CDH18: variants seen among roughly 807,000 people sequenced by gnomAD.
CDH18 encodes the protein cadherin-18.
In CDH18, 31 loss-of-function variants were observed where a neutral mutation model predicts 67.9. The ratio of observed to expected loss-of-function variants is 0.46; its 90% CI spans 0.34 to 0.62. CDH18 has a LOEUF of 0.62. Among genes scored for constraint, CDH18 ranks in the 20% least tolerant of loss-of-function variants. The pLI is 0.01. For missense variants in CDH18, 890 were observed against 975.5 expected (o/e 0.91, Z 1.17); for synonymous variants, 362 against 347.2 (o/e 1.04, Z -0.48).
At chr5:19,917,339 C>T (rs1318096863) in intron 2 of CDH18, among the ~76,000 whole-genome samples, 1 of 148,584 alleles carries the variant, frequency 6.7e-6, no homozygotes, top group Non-Finnish European at 1.5e-5. Flanking sequence ...TTTTCTTTCC[C>T]CCCCCGCCCC....
chr5:19,973,266 G>C (rs1242648145), intron 2 of CDH18, among the ~76,000 whole-genome samples: 1 of 152,068 alleles, frequency 6.6e-6, no homozygotes, highest in Non-Finnish European at 1.5e-5. Flanking sequence ...TTAGAAGTGA[G>C]GATAAAAAGG....
intron 5 of CDH18, among the ~76,000 whole-genome samples, chr5:19,622,568 T>C (rs1750884860): frequency 6.6e-6 from 1 of 152,200 alleles, no homozygotes; most frequent in South Asian, 2.1e-4. Flanking sequence ...AAAGTGACAT[T>C]AGCAGTTTTT....
intron 5 of CDH18, among the ~76,000 whole-genome samples, chr5:19,626,614 G>A (rs1751593675): frequency 6.6e-6 from 1 of 151,986 alleles, no homozygotes; most frequent in Non-Finnish European, 1.5e-5. Flanking sequence ...GCTATAGAGT[G>A]CCCTCTTGAA....
At chr5:19,857,207 G>A (rs1313635607) in intron 2 of CDH18, among the ~76,000 whole-genome samples, 1 of 151,770 alleles carries the variant, frequency 6.6e-6, no homozygotes, top group Non-Finnish European at 1.5e-5. Flanking sequence ...TCCAGCTTGG[G>A]CATCAGACAG....
intron 2 of CDH18, among the ~76,000 whole-genome samples, chr5:19,884,803 A>G (rs1244539322): frequency 6.6e-6 from 1 of 152,060 alleles, no homozygotes; most frequent in African/African-American, 2.4e-5. Flanking sequence ...TTAAATCTTT[A>G]CAAAAATTTT....
At chr5:19,860,796 A>G (rs1784811583) in intron 2 of CDH18, among the ~76,000 whole-genome samples, 1 of 152,108 alleles carries the variant, frequency 6.6e-6, no homozygotes, top group African/African-American at 2.4e-5. Context: ...AAGTGAACCT[A>G]AATACACATA....
intron 5 of CDH18, among the ~76,000 whole-genome samples, chr5:19,667,189 A>G (rs1175756800): frequency 1.3e-5 from 2 of 151,824 alleles, no homozygotes; most frequent in Non-Finnish European, 2.9e-5. Context: ...AAATTTATAA[A>G]TGACAAAAAT....
At chr5:19,687,179 C>T (rs911316214) in intron 5 of CDH18, among the ~76,000 whole-genome samples, 2 of 152,150 alleles carry the variant, frequency 1.3e-5, no homozygotes, top group Non-Finnish European at 2.9e-5. Context: ...TGCTGTGAGA[C>T]TGGCTTGGGG....
intron 2 of CDH18, among the ~76,000 whole-genome samples, chr5:19,957,313 T>C (rs1796343842): frequency 6.6e-6 from 1 of 151,176 alleles, no homozygotes; most frequent in Non-Finnish European, 1.5e-5. Context: ...TATGTGTATA[T>C]ATATGTTTTA....
chr5:19,986,419 G>A (rs2150375578), intron 1 of CDH18, among the ~76,000 whole-genome samples: 1 of 152,264 alleles, frequency 6.6e-6, no homozygotes, highest in African/African-American at 2.4e-5. Flanking sequence ...ATGTATAATA[G>A]CCAATGCTCA....
At chr5:20,310,629 G>C (rs538952347) in intron 1 of CDH18, among the ~76,000 whole-genome samples, 3 of 152,100 alleles carry the variant, frequency 2.0e-5, no homozygotes, top group Admixed American at 6.5e-5. Flanking sequence ...CTTAAAGTGG[G>C]GTCTGACCGG....
chr5:19,582,672 G>T (rs1743463234), intron 7 of CDH18, among the ~76,000 whole-genome samples: 1 of 151,924 alleles, frequency 6.6e-6, no homozygotes, highest in Non-Finnish European at 1.5e-5. Context: ...TATTTTGTAA[G>T]CAGTCCATTA....
At chr5:20,404,036 C>T (rs1012442727) in intron 1 of CDH18, among the ~76,000 whole-genome samples, 4 of 152,208 alleles carry the variant, frequency 2.6e-5, no homozygotes, top group African/African-American at 9.6e-5. Context: ...TGCGTATCTC[C>T]ATTATGGAGA....
chr5:20,235,747 C>T (rs574239656), intron 2 of CDH18, among the ~76,000 whole-genome samples: 1 of 152,272 alleles, frequency 6.6e-6, no homozygotes, highest in South Asian at 2.1e-4. Context: ...AATTGAACTA[C>T]CATTTGATCC....
chr5:20,426,907 C>A (rs1308776347), intron 1 of CDH18, among the ~76,000 whole-genome samples: 1 of 151,020 alleles, frequency 6.6e-6, no homozygotes, highest in African/African-American at 2.5e-5. Context: ...CAAGATATTT[C>A]ACTCCTTGAA....
chr5:19,785,674 AAAAAAATATATATATATATATATATATAT>A lies in CDH18; in HGVS notation c.229-38467_229-38439del, dbSNP rs1199964250. Among the ~76,000 whole-genome samples the A allele has an allele frequency of 3.9e-3, 241 of 61,698 alleles. 4 individuals carry two copies. The highest frequency in any genetic ancestry group is 7.5e-3 in the Middle Eastern group (1 of 134). 40.5% of individuals were successfully genotyped at this position (61,698 alleles called of 152,430 possible). On this transcript the variant is annotated intron_variant, in intron 3 of 12. Coordinates refer to ENST00000382275, the MANE Select transcript of CDH18 (RefSeq NM_004934.5). ...TGTCTCAAAAAAAAAAAAAAAAAAA[AAAAAAATATATATATATATATATATATAT>A]ATATATATATATATATATATATGCA...
intron 1 of CDH18, among the ~76,000 whole-genome samples, chr5:20,386,928 A>T (rs1164250031): frequency 6.6e-6 from 1 of 152,008 alleles, no homozygotes; most frequent in Non-Finnish European, 1.5e-5. Context: ...TATATAATCA[A>T]CCTTATTCAT....
chr5:19,488,886 C>T (rs1325430026), intron 11 of CDH18, among the ~76,000 whole-genome samples: 2 of 152,124 alleles, frequency 1.3e-5, no homozygotes, highest in Non-Finnish European at 2.9e-5. Context: ...GGCTTAATCT[C>T]CATTTTCGGA....
At chr5:19,660,020 T>G (rs1756943900) in intron 5 of CDH18, among the ~76,000 whole-genome samples, 1 of 152,096 alleles carries the variant, frequency 6.6e-6, no homozygotes, top group African/African-American at 2.4e-5. Context: ...CTAAAATGTT[T>G]CAATTTTACC....
Sources: gnomAD v4.1 joint callset for allele counts (sites outside exome capture counted in the v4.1 genomes callset) on GRCh38, gnomAD v4.1.1 for gene constraint, MANE v1.5 for transcripts, NCBI Gene and HGNC (gene_info 2026-07-23, HGNC 2026-07-21) for gene names.